The following ACR variants were observed in gnomAD, a reference collection of about 807,000 sequenced individuals.
ACR encodes acrosin.
Under a neutral mutation model 26.0 loss-of-function variants are expected in ACR, and 17 were observed. The observed-to-expected ratio is 0.65, with a 90% CI of 0.45 to 0.98. The LOEUF (loss-of-function observed/expected upper bound fraction) is 0.98, where lower values mean the gene tolerates loss of function less well. Ranked by LOEUF, ACR falls within the 50% of genes least tolerant of loss-of-function variation. The pLI is 0.00. For synonymous variants in ACR, 199 were observed against 207.7 expected (o/e 0.96, Z 0.36); for missense variants, 435 against 519.3 (o/e 0.84, Z 1.58).
rs756980083 is a variant in ACR at position 50,744,928 on chromosome 22, A to C, written c.987A>C (p.Gln329His). Residue 329 changes from glutamine (Q) to histidine (H), a missense_variant, in exon 5 of 5, where the codon CAA becomes CAC. By Grantham distance (24) the Gln-to-His change is conservative. Around this residue, in one of 3 missense-constraint regions of ACR, gnomAD observed 92 missense variants for 87.8 expected, o/e 1.05. Coordinates refer to ENST00000216139, the MANE Select transcript of ACR (RefSeq NM_001097.3). ...PISAHLPWYFQPPPRPLPPRP... is the reference protein window; with the variant it reads ...PISAHLPWYFHPPPRPLPPRP... ...CTGCTCACCTTCCTTGGTATTTCCA[A>C]CCGCCCCCTCGACCACTTCCACCCC... is the stretch of plus-strand genomic sequence containing the variant. 1.3e-6 allele frequency: 2 copies of C among 1,534,894 alleles called. No homozygotes were observed. Among genetic ancestry groups the C allele is most frequent in the African/African-American group, 3.5e-5 (2 of 57,952 alleles).
At chr22:50,742,460 C>T (rs1440241060) in intron 3 of ACR, among the ~76,000 whole-genome samples, 6 of 150,448 alleles carry the variant, frequency 4.0e-5, no homozygotes, top group African/African-American at 9.8e-5. Context: ...AGGAGAATGG[C>T]GTGAACCCAG....
At position 50,739,602 on chromosome 22, in the gene ACR, G is replaced by T. The variant is rs2083415116; in HGVS notation, c.282-92G>T. The T allele has an allele frequency of 1.9e-6, 3 of 1,553,642 alleles. No individual in the cohort carries two copies. Among genetic ancestry groups the T allele is most frequent in the Non-Finnish European group, 2.6e-6 (3 of 1,145,580 alleles). On this transcript the variant is annotated intron_variant, in intron 2 of 4. Transcript: ENST00000216139. The surrounding 1 kb of genome is among the most constrained non-coding windows in gnomAD (Gnocchi z 5.5). ...AGTGGCTGCAAGACTCCGGGGGCTGGTCCAGACCTTTGCTAGGGGAAGGCC... is the reference window on the plus strand; with the variant it reads ...AGTGGCTGCAAGACTCCGGGGGCTGTTCCAGACCTTTGCTAGGGGAAGGCC...
chr22:50,739,556 T>C lies in ACR; in HGVS notation c.281+82T>C. The C allele has an allele frequency of 6.3e-7, 1 of 1,586,876 alleles. No individual in the cohort carries two copies. Among genetic ancestry groups the C allele is most frequent in the South Asian group, 1.1e-5 (1 of 88,126 alleles). The stretch of plus-strand genomic sequence containing the variant: ...CGTTCCCCGGGGATGCTGTGCAGCG[T>C]CTCCCTGGGGCTCTGGGCCAAGTGG... On this transcript the variant is annotated intron_variant, in intron 2 of 4. Coordinates refer to ENST00000216139, the MANE Select transcript of ACR (RefSeq NM_001097.3). This position sits in a 1 kb window ranked among gnomAD's most constrained non-coding sequence, Gnocchi z 5.5.
chr22:50,740,149 A>G (rs781571885), intron 3 of ACR, 172 bp downstream of exon 3: 58 of 837,468 alleles, frequency 6.9e-5, no homozygotes, highest in Non-Finnish European at 1.0e-4. Flanking sequence ...AGGTCACGTG[A>G]TGGGTGACTC....
rs889888598 is a variant in ACR, at chr22:50,742,406, T to C, written c.566-1655T>C. On this transcript the variant is annotated intron_variant, in intron 3 of 4. Coordinates refer to ENST00000216139, the MANE Select transcript of ACR (RefSeq NM_001097.3). ...AAAAATACAGAAAATTAGCCGGGCA[T>C]GGTGGCGGGCGCCTGTAGTCCCAGC... 5.5e-4 allele frequency among the ~76,000 whole-genome samples: 83 copies of C among 151,762 alleles called. 1 individual carries two copies. The highest frequency in any genetic ancestry group is 1.9e-3 in the African/African-American group (77 of 41,354).
In ACR at chr22:50,739,572, G is replaced by C; in HGVS notation, c.281+98G>C. 2 of 1,573,698 alleles carry C rather than the reference G, an allele frequency of 1.3e-6. No individual in the cohort carries two copies. Among genetic ancestry groups the C allele is most frequent in the South Asian group, 2.3e-5 (2 of 85,678 alleles). On this transcript the variant is annotated intron_variant, in intron 2 of 4. Transcript: ENST00000216139. This position sits in a 1 kb window ranked among gnomAD's most constrained non-coding sequence, Gnocchi z 5.5. ...TGTGCAGCGTCTCCCTGGGGCTCTG[G>C]GCCAAGTGGCTGCAAGACTCCGGGG...
chr22:50,741,545 C>T (rs2083424779), intron 3 of ACR, among the ~76,000 whole-genome samples: 1 of 151,900 alleles, frequency 6.6e-6, no homozygotes, highest in East Asian at 1.9e-4. Flanking sequence ...CTAGCTATAT[C>T]TTGGATGCCA....
chr22:50,743,980 G>T, intron 3 of ACR, 81 bp from the exon 4 acceptor site: 2 of 1,018,780 alleles, frequency 2.0e-6, no homozygotes, highest in South Asian at 2.6e-5. Flanking sequence ...CATCACAGAG[G>T]ATGGGGTTCG....
At chr22:50,743,991 G>T in intron 3 of ACR, 70 bp from the exon 4 acceptor site, 1 of 1,149,498 alleles carries the variant, frequency 8.7e-7, no homozygotes. Flanking sequence ...ATGGGGTTCG[G>T]TGGGGCAAGG....
At chr22:50,738,375 C>T in intron 1 of ACR, 63 bp downstream of exon 1, 2 of 1,522,862 alleles carry the variant, frequency 1.3e-6, no homozygotes, top group Non-Finnish European at 1.8e-6. Context: ...ACCCCGACTC[C>T]CTCTGTCCAG....
chr22:50,743,070 C>T (rs542019493), intron 3 of ACR, among the ~76,000 whole-genome samples: 11 of 152,040 alleles, frequency 7.2e-5, no homozygotes, highest in African/African-American at 2.4e-4. Flanking sequence ...GAGTCTCGCT[C>T]TGTGGCCCGG....
intron 1 of ACR, among the ~76,000 whole-genome samples, chr22:50,739,000 C>T (rs1394749443): frequency 1.3e-5 from 2 of 152,222 alleles, no homozygotes; most frequent in African/African-American, 2.4e-5. Context: ...ACGGGCCATC[C>T]CTCAGGGCCC....
intron 3 of ACR, among the ~76,000 whole-genome samples, chr22:50,742,485 A>C (rs1603447632): frequency 6.7e-6 from 1 of 150,344 alleles, no homozygotes; most frequent in Non-Finnish European, 1.5e-5. Flanking sequence ...CGGAGCTTGC[A>C]GTGAGCCGAG....
rs1293112919 is a variant in ACR, at chr22:50,739,355, G to GC, written c.165dup (p.Trp56LeufsTer40). ...GGAAGGCTGCACAGCATGGGGCCTG[G>GC]CCCTGGATGGTCAGCCTCCAGATCT... On this transcript the variant is annotated frameshift_variant, in exon 2 of 5. Transcript: ENST00000216139. LOFTEE classifies it high-confidence loss of function. This position sits in a 1 kb window ranked among gnomAD's most constrained non-coding sequence, Gnocchi z 5.5. 6.2e-7 allele frequency: 1 copy of GC among 1,612,974 alleles called. No homozygotes were observed. Among genetic ancestry groups the GC allele is most frequent in the East Asian group, 2.2e-5 (1 of 44,892 alleles).
chr22:50,743,160 C>G (rs1336060141), intron 3 of ACR, among the ~76,000 whole-genome samples: 2 of 150,562 alleles, frequency 1.3e-5, no homozygotes, highest in Admixed American at 1.3e-4. Context: ...CTCAGCCTCC[C>G]GAGTAGCTGG....
chr22:50,738,399 G>C, intron 1 of ACR, 87 bp downstream of exon 1: 1 of 1,370,876 alleles, frequency 7.3e-7, no homozygotes, highest in Non-Finnish European at 1.0e-6. Flanking sequence ...TAGGGAAAAG[G>C]AGGCTGCATC....
At chr22:50,740,567 G>C in intron 3 of ACR, 1 of 702,282 alleles carries the variant, frequency 1.4e-6, no homozygotes, top group Non-Finnish European at 2.6e-6. Flanking sequence ...GACTGGGAAG[G>C]GGACCGGTGG....
chr22:50,742,417 G>T (rs371310831), intron 3 of ACR, among the ~76,000 whole-genome samples: 23 of 151,734 alleles, frequency 1.5e-4, no homozygotes, highest in Admixed American at 1.5e-3. Context: ...GGTGGCGGGC[G>T]CCTGTAGTCC....
intron 3 of ACR, among the ~76,000 whole-genome samples, chr22:50,743,671 G>C (rs1241908954): frequency 1.3e-5 from 2 of 152,164 alleles, no homozygotes; most frequent in African/African-American, 4.8e-5. Flanking sequence ...GGTGGGCGGT[G>C]CTCCAGCCTT....
Sources: gnomAD v4.1 joint callset for allele counts (sites outside exome capture counted in the v4.1 genomes callset) on GRCh38, gnomAD v4.1.1 for gene constraint, gnomAD v4.1.1 regional missense constraint, Gnocchi (gnomAD v3.1) non-coding constraint, MANE v1.5 for transcripts, NCBI Gene and HGNC (gene_info 2026-07-23, HGNC 2026-07-21) for gene names.